Variants in RIMS3 observed in about 807,000 individuals in gnomAD.
RIMS3 encodes the protein regulating synaptic membrane exocytosis protein 3.
RIMS3 carries 15 observed loss-of-function variants against 29.2 expected under a neutral mutation model. The observed-to-expected ratio is 0.51, with a 90% confidence interval of 0.34 to 0.79. RIMS3 has a LOEUF of 0.79. RIMS3 is among the 30% of genes least tolerant of loss of function. The pLI, the probability that RIMS3 is intolerant of heterozygous loss-of-function variation, is 0.01. For synonymous variants in RIMS3, 161 were observed against 170.1 expected (o/e 0.95, Z 0.41); for missense variants, 342 against 421.4 (o/e 0.81, Z 1.65).
chr1:40,645,400 C>T (rs1426924317), intron 2 of RIMS3, among the ~76,000 whole-genome samples: 1 of 152,142 alleles, frequency 6.6e-6, no homozygotes, highest in Non-Finnish European at 1.5e-5. Flanking sequence ...TCATACTAGC[C>T]AGCTAAGAAG....
At chr1:40,670,191 A>C (rs182758086), upstream of RIMS3, among the ~76,000 whole-genome samples, 29 of 152,294 alleles carry the variant, frequency 1.9e-4, no homozygotes, top group African/African-American at 6.7e-4. Context: ...TATTTATTAT[A>C]TGTTGAATAT....
intron 3 of RIMS3, among the ~76,000 whole-genome samples, chr1:40,639,236 G>T (rs1381380251): frequency 1.3e-5 from 2 of 152,170 alleles, no homozygotes; most frequent in Admixed American, 1.3e-4. Flanking sequence ...TGTCAGGAGT[G>T]GGGGCACCCT....
the RIMS3 span, chr1:40,691,568 T>C: frequency 6.2e-6 from 2 of 324,396 alleles, no homozygotes; most frequent in African/African-American, 2.3e-5. Context: ...GTTAAAACTC[T>C]CAGATCTCAT....
chr1:40,682,168 A>T, the RIMS3 span, among the ~76,000 whole-genome samples: 1 of 152,138 alleles, frequency 6.6e-6, no homozygotes, highest in Admixed American at 6.5e-5. Context: ...TATATTATGG[A>T]ATGTCTACCA....
chr1:40,654,984 G>A lies in RIMS3; in HGVS notation c.-206-7142C>T, dbSNP rs959192746. On this transcript the variant is annotated intron_variant, in intron 1 of 7. Coordinates refer to ENST00000372684, the MANE Select transcript of RIMS3 (RefSeq NM_014747.3). This position sits in a 1 kb window ranked among gnomAD's most constrained non-coding sequence, Gnocchi z 5.3. Reference sequence around the variant, plus strand: ...GGCCACCCTTCCCACTGTGAACATGGGACTAGGGAGGGGGCAGACAGGACT... The same window carrying A: ...GGCCACCCTTCCCACTGTGAACATGAGACTAGGGAGGGGGCAGACAGGACT... Among the ~76,000 whole-genome samples, 2 of 152,124 alleles carry A rather than the reference G, an allele frequency of 1.3e-5. No individual in the cohort carries two copies. The highest frequency in any genetic ancestry group is 2.9e-5 in the Non-Finnish European group (2 of 68,008).
At chr1:40,650,808 G>A (rs1449858515) in intron 1 of RIMS3, among the ~76,000 whole-genome samples, 1 of 141,210 alleles carries the variant, frequency 7.1e-6, no homozygotes, top group Admixed American at 7.5e-5. Flanking sequence ...AGAAGTTGTA[G>A]TGAGCCGAGA....
At chr1:40,677,186 G>A in the RIMS3 span, among the ~76,000 whole-genome samples, 1 of 151,680 alleles carries the variant, frequency 6.6e-6, no homozygotes, top group Non-Finnish European at 1.5e-5. Flanking sequence ...ATTATTTTTA[G>A]TAGAAATGGG....
chr1:40,676,050 C>T, the RIMS3 span, among the ~76,000 whole-genome samples: 1 of 152,258 alleles, frequency 6.6e-6, no homozygotes, highest in African/African-American at 2.4e-5. Context: ...AGGAGCAATC[C>T]TATCCAGTGA....
the RIMS3 span, among the ~76,000 whole-genome samples, chr1:40,682,041 C>T: frequency 6.6e-6 from 1 of 152,270 alleles, no homozygotes; most frequent in South Asian, 2.1e-4. Context: ...ACCATGTTGG[C>T]CATGCTGGCC....
chr1:40,645,758 C>T (rs989611409), intron 2 of RIMS3, among the ~76,000 whole-genome samples: 2 of 152,192 alleles, frequency 1.3e-5, no homozygotes, highest in African/African-American at 2.4e-5. Flanking sequence ...ATTCCTGACC[C>T]TGCCAACCCA....
intron 1 of RIMS3, among the ~76,000 whole-genome samples, chr1:40,649,462 A>G (rs918231310): frequency 6.6e-6 from 1 of 152,238 alleles, no homozygotes; most frequent in Non-Finnish European, 1.5e-5. Context: ...GAGAGGCAGG[A>G]AGAGCCCCAT....
the RIMS3 span, among the ~76,000 whole-genome samples, chr1:40,686,474 AACCC>A: frequency 2.6e-5 from 4 of 152,028 alleles, no homozygotes; most frequent in Admixed American, 2.6e-4. Flanking sequence ...AACACGGTGA[AACCC>A]ACCGTTTCTA....
intron 1 of RIMS3, among the ~76,000 whole-genome samples, chr1:40,652,134 T>A (rs1213701922): frequency 6.6e-6 from 1 of 152,168 alleles, no homozygotes; most frequent in Non-Finnish European, 1.5e-5. Flanking sequence ...GCTTGTAGGA[T>A]GTGGCTAGAT....
At chr1:40,677,867 G>C in the RIMS3 span, among the ~76,000 whole-genome samples, 1 of 152,216 alleles carries the variant, frequency 6.6e-6, no homozygotes, top group East Asian at 1.9e-4. Flanking sequence ...GTGCCTGCAG[G>C]GATCATTCAT....
chr1:40,689,575 C>T, the RIMS3 span, among the ~76,000 whole-genome samples: 19 of 152,002 alleles, frequency 1.2e-4, no homozygotes, highest in Admixed American at 2.0e-4. Flanking sequence ...CCACCGTGCC[C>T]GGCCGGTTCA....
At chr1:40,685,438 C>T in the RIMS3 span, among the ~76,000 whole-genome samples, 8 of 150,238 alleles carry the variant, frequency 5.3e-5, no homozygotes, top group Non-Finnish European at 8.9e-5. Context: ...AGAGAGCCAT[C>T]GCACAGTGAC....
chr1:40,661,691 C>T (rs945638991), intron 1 of RIMS3, among the ~76,000 whole-genome samples: 2 of 152,178 alleles, frequency 1.3e-5, no homozygotes, highest in Admixed American at 1.3e-4. Context: ...TTCACTTTAT[C>T]GTTTTCCTAG....
chr1:40,691,607 C>T, the RIMS3 span: 4 of 369,698 alleles, frequency 1.1e-5, no homozygotes, highest in South Asian at 7.1e-5. Flanking sequence ...CGCCCCTTCC[C>T]AATTCTCGCG....
intron 2 of RIMS3, among the ~76,000 whole-genome samples, chr1:40,644,472 T>C (rs960868989): frequency 2.0e-5 from 3 of 152,246 alleles, no homozygotes; most frequent in South Asian, 2.1e-4. Context: ...AACTTGGTCC[T>C]GCCCTCCCAA....
Sources: gnomAD v4.1 joint callset for allele counts (sites outside exome capture counted in the v4.1 genomes callset) on GRCh38, gnomAD v4.1.1 for gene constraint, Gnocchi (gnomAD v3.1) non-coding constraint, MANE v1.5 for transcripts, NCBI Gene and HGNC (gene_info 2026-07-23, HGNC 2026-07-21) for gene names.